The following FCHSD2 variants were observed in gnomAD, a reference collection of about 807,000 sequenced individuals.
FCHSD2 encodes the protein F-BAR and double SH3 domains protein 2.
In FCHSD2, 38 loss-of-function variants were observed where a neutral mutation model predicts 108.1. The observed-to-expected ratio is 0.35, with a 90% CI of 0.27 to 0.46. The LOEUF (loss-of-function observed/expected upper bound fraction) is 0.46, where lower values mean the gene tolerates loss of function less well. Ranked by LOEUF, FCHSD2 falls within the 20% of genes least tolerant of loss-of-function variation. FCHSD2 has a pLI of 1.00. For missense variants in FCHSD2, 751 were observed against 897.8 expected (o/e 0.84, Z 2.09); for synonymous variants, 279 against 314.7 (o/e 0.89, Z 1.20).
chr11:72,870,009 C>T (rs560432308), intron 12 of FCHSD2, among the ~76,000 whole-genome samples: 3 of 152,284 alleles, frequency 2.0e-5, no homozygotes, highest in South Asian at 2.1e-4. Context: ...TCCACACCCC[C>T]CTATGCTCCC....
chr11:73,141,619 T>C (rs1377316114), intron 1 of FCHSD2, among the ~76,000 whole-genome samples: 6 of 152,190 alleles, frequency 3.9e-5, no homozygotes, highest in African/African-American at 1.2e-4. Flanking sequence ...CCCGAAACTC[T>C]TGTGAAATGT....
Position 72,903,985 on chromosome 11 carries a change from A to G in FCHSD2, c.829-1347T>C, listed in dbSNP as rs116749689. 2.7e-3 allele frequency among the ~76,000 whole-genome samples: 413 copies of G among 152,310 alleles called. 2 individuals carry two copies. Among genetic ancestry groups the G allele is most frequent in the African/African-American group, 9.5e-3 (394 of 41,566 alleles). ...GATATATAGATGAATAAGACAAACA[A>G]ACAAGGTTAGTATCTGCAAAGAATT... On this transcript the variant is annotated intron_variant, in intron 9 of 19. Coordinates refer to ENST00000409418, the MANE Select transcript of FCHSD2 (RefSeq NM_014824.3).
At chr11:73,024,562 T>C (rs1371647707) in intron 3 of FCHSD2, among the ~76,000 whole-genome samples, 1 of 151,966 alleles carries the variant, frequency 6.6e-6, no homozygotes, top group Non-Finnish European at 1.5e-5. Context: ...ATGAATTACA[T>C]GGGGGTAAAT....
chr11:72,852,726 G>A (rs536605873), intron 13 of FCHSD2, among the ~76,000 whole-genome samples: 3 of 151,276 alleles, frequency 2.0e-5, no homozygotes, highest in Middle Eastern at 3.4e-3. Flanking sequence ...TTATACTAGC[G>A]AAGACATGAA....
intron 2 of FCHSD2, among the ~76,000 whole-genome samples, chr11:73,088,397 C>T (rs530297332): frequency 5.3e-5 from 8 of 151,954 alleles, no homozygotes; most frequent in Non-Finnish European, 7.4e-5. Flanking sequence ...GACGAAATTG[C>T]CTAACAATGC....
chr11:73,106,406 C>CAAAAAAAAAAAAA (rs781338343), intron 2 of FCHSD2, among the ~76,000 whole-genome samples: 1 of 65,034 alleles, frequency 1.5e-5, no homozygotes, highest in South Asian at 4.7e-4. Context: ...ACTCTGTCTC[C>CAAAAAAAAAAAAA]AAAAAAAAAA....
intron 8 of FCHSD2, among the ~76,000 whole-genome samples, chr11:72,983,095 C>A (rs1409955173): frequency 6.6e-6 from 1 of 151,768 alleles, no homozygotes; most frequent in Non-Finnish European, 1.5e-5. Flanking sequence ...GAGATCGAGA[C>A]CATCCCGGCT....
chr11:72,900,218 C>G (rs946800179), intron 10 of FCHSD2: 4 of 1,071,548 alleles, frequency 3.7e-6, no homozygotes, highest in African/African-American at 1.6e-5. Flanking sequence ...CAAACCCACA[C>G]TTCCCATCCC....
At chr11:73,030,730 T>G (rs1858339789) in intron 3 of FCHSD2, among the ~76,000 whole-genome samples, 1 of 152,144 alleles carries the variant, frequency 6.6e-6, no homozygotes, top group African/African-American at 2.4e-5. Context: ...AACATGAAAT[T>G]TTGCTATACA....
intron 6 of FCHSD2, among the ~76,000 whole-genome samples, chr11:72,988,282 CT>C (rs1857347805): frequency 6.6e-6 from 1 of 152,164 alleles, no homozygotes; most frequent in Admixed American, 6.5e-5. Context: ...TTCTCATCAA[CT>C]TTTTATCTTT....
intron 5 of FCHSD2, among the ~76,000 whole-genome samples, chr11:72,993,260 C>G (rs1857453532): frequency 6.6e-6 from 1 of 152,170 alleles, no homozygotes; most frequent in South Asian, 2.1e-4. Flanking sequence ...CAGGAAACAA[C>G]AGGTGCTGGA....
intron 1 of FCHSD2, among the ~76,000 whole-genome samples, chr11:73,141,013 C>T (rs1014923717): frequency 5.3e-5 from 8 of 152,180 alleles, no homozygotes; most frequent in Non-Finnish European, 1.0e-4. Flanking sequence ...AATGTTTGCC[C>T]ACGAGGGGAG....
chr11:72,865,121 G>A (rs560210523), intron 13 of FCHSD2, among the ~76,000 whole-genome samples: 1 of 152,164 alleles, frequency 6.6e-6, no homozygotes, highest in Non-Finnish European at 1.5e-5. Context: ...CACTATTAAT[G>A]TCTAACAGTA....
At chr11:73,063,067 C>T (rs1434224752) in intron 3 of FCHSD2, among the ~76,000 whole-genome samples, 1 of 152,082 alleles carries the variant, frequency 6.6e-6, no homozygotes, top group African/African-American at 2.4e-5. Context: ...AAAGGGAAGC[C>T]CATCAGACTA....
At chr11:73,121,950 T>C (rs778295910) in intron 2 of FCHSD2, among the ~76,000 whole-genome samples, 2 of 152,214 alleles carry the variant, frequency 1.3e-5, no homozygotes, top group African/African-American at 2.4e-5. Context: ...ATAATTATGA[T>C]AGTACTTAAC....
intron 9 of FCHSD2, among the ~76,000 whole-genome samples, chr11:72,917,113 C>T (rs1006853530): frequency 2.6e-5 from 4 of 151,968 alleles, no homozygotes; most frequent in Admixed American, 1.3e-4. Context: ...GCCTCCCAAG[C>T]AGCTGGGACT....
intron 9 of FCHSD2, among the ~76,000 whole-genome samples, chr11:72,913,844 A>AC (rs1855816827): frequency 6.6e-6 from 1 of 151,684 alleles, no homozygotes; most frequent in South Asian, 2.1e-4. Flanking sequence ...ACAAAAAAAA[A>AC]AACCCTAGAA....
At chr11:73,128,929 T>A (rs1397025600) in intron 2 of FCHSD2, among the ~76,000 whole-genome samples, 1 of 152,192 alleles carries the variant, frequency 6.6e-6, no homozygotes, top group South Asian at 2.1e-4. Flanking sequence ...TGGAGTGTAG[T>A]GGTGTGATCT....
At chr11:73,059,177 T>C (rs1474458908) in intron 3 of FCHSD2, among the ~76,000 whole-genome samples, 1 of 152,098 alleles carries the variant, frequency 6.6e-6, no homozygotes, top group Non-Finnish European at 1.5e-5. Flanking sequence ...AAGTCAACCA[T>C]TTGGGATGAA....
Sources: gnomAD v4.1 joint callset for allele counts (sites outside exome capture counted in the v4.1 genomes callset) on GRCh38, gnomAD v4.1.1 for gene constraint, MANE v1.5 for transcripts, NCBI Gene and HGNC (gene_info 2026-07-23, HGNC 2026-07-21) for gene names.